The following SPAG16 variants were observed in gnomAD, a reference collection of about 807,000 sequenced individuals.
The protein encoded by SPAG16 is sperm-associated antigen 16 protein.
Under a neutral mutation model 80.4 loss-of-function variants are expected in SPAG16, and 86 were observed. The observed-to-expected ratio is 1.07, with a 90% CI of 0.90 to 1.28. The LOEUF is 1.28. Ranked by LOEUF, SPAG16 falls within the 50% of genes most tolerant of loss-of-function variation. SPAG16 has a pLI of 0.00. For missense variants in SPAG16, 870 were observed against 765.3 expected (o/e 1.14, Z -1.61); for synonymous variants, 294 against 265.9 (o/e 1.11, Z -1.03).
chr2:213,492,523 C>T (rs2125738509), intron 10 of SPAG16, among the ~76,000 whole-genome samples: 1 of 151,946 alleles, frequency 6.6e-6, no homozygotes, highest in Non-Finnish European at 1.5e-5. Flanking sequence ...GCCCTCCAGC[C>T]TAGGCGACAG....
chr2:213,389,316 A>G (rs1163155670), intron 9 of SPAG16, among the ~76,000 whole-genome samples: 1 of 152,172 alleles, frequency 6.6e-6, no homozygotes, highest in Non-Finnish European at 1.5e-5. Flanking sequence ...AACTCTCAGA[A>G]GAAAATATAG....
chr2:213,812,576 T>C (rs1274207621), intron 10 of SPAG16, among the ~76,000 whole-genome samples: 2 of 152,194 alleles, frequency 1.3e-5, no homozygotes, highest in Non-Finnish European at 2.9e-5. Context: ...TGCAGGGCAG[T>C]GCATTAGTTC....
At chr2:213,602,895 T>C (rs1054651977) in intron 10 of SPAG16, among the ~76,000 whole-genome samples, 2 of 152,254 alleles carry the variant, frequency 1.3e-5, no homozygotes, top group African/African-American at 4.8e-5. Context: ...ACAATAATAT[T>C]CTCCTGCACA....
chr2:214,201,872 G>T lies in SPAG16; in HGVS notation c.1720+52606G>T, dbSNP rs375586777. On this transcript the variant is annotated intron_variant, in intron 15 of 15. Transcript: ENST00000331683. ...TATTTATTTTTATTTTTTAGACAGG[G>T]TCTTGCTCTGTTGCTCAGGCCAAAG... is the stretch of plus-strand genomic sequence containing the variant. 4.6e-5 allele frequency among the ~76,000 whole-genome samples: 7 copies of T among 151,086 alleles called. 1 individual carries two copies. The highest frequency in any genetic ancestry group is 1.7e-4 in the African/African-American group (7 of 41,144).
At chr2:213,780,571 C>CTTTTTTTTT (rs367744311) in intron 10 of SPAG16, among the ~76,000 whole-genome samples, 7 of 124,616 alleles carry the variant, frequency 5.6e-5, no homozygotes, top group Non-Finnish European at 9.9e-5. Flanking sequence ...TCTTTTCTTT[C>CTTTTTTTTT]TTTTTTTTTT....
intron 11 of SPAG16, among the ~76,000 whole-genome samples, chr2:213,913,788 G>A (rs2077817762): frequency 6.6e-6 from 1 of 151,972 alleles, no homozygotes; most frequent in African/African-American, 2.4e-5. Flanking sequence ...ATGATTGTGG[G>A]GACTGTTAAG....
intron 15 of SPAG16, among the ~76,000 whole-genome samples, chr2:214,208,683 A>G (rs1278077483): frequency 1.3e-5 from 2 of 152,106 alleles, no homozygotes; most frequent in African/African-American, 4.8e-5. Flanking sequence ...AGTTTTTGCA[A>G]TCAGACCTTG....
intron 15 of SPAG16, among the ~76,000 whole-genome samples, chr2:214,206,391 G>A (rs1226068056): frequency 6.6e-6 from 1 of 152,118 alleles, no homozygotes; most frequent in Non-Finnish European, 1.5e-5. Context: ...GTCTTTCTGT[G>A]TGTAGTTTAT....
chr2:213,740,306 G>A (rs1447092163), intron 10 of SPAG16, among the ~76,000 whole-genome samples: 1 of 152,118 alleles, frequency 6.6e-6, no homozygotes, highest in Non-Finnish European at 1.5e-5. Flanking sequence ...TAAAATCTGA[G>A]GTAGACACTT....
intron 12 of SPAG16, among the ~76,000 whole-genome samples, chr2:213,978,639 C>T (rs1289830947): frequency 6.6e-6 from 1 of 152,130 alleles, no homozygotes; most frequent in Non-Finnish European, 1.5e-5. Flanking sequence ...CATTTACTGT[C>T]TCACATAGTT....
chr2:214,094,146 GC>G (rs2125328467), intron 13 of SPAG16, among the ~76,000 whole-genome samples: 1 of 152,216 alleles, frequency 6.6e-6, no homozygotes, highest in South Asian at 2.1e-4. Flanking sequence ...TGAGTTGGTA[GC>G]TTGAAATTGT....
chr2:214,264,206 A>G (rs909307302), intron 15 of SPAG16, among the ~76,000 whole-genome samples: 1 of 152,174 alleles, frequency 6.6e-6, no homozygotes, highest in East Asian at 1.9e-4. Flanking sequence ...TGGAGAAATC[A>G]GATCAAATCT....
At chr2:214,149,848 G>T (rs1040194119) in intron 15 of SPAG16, among the ~76,000 whole-genome samples, 1 of 151,996 alleles carries the variant, frequency 6.6e-6, no homozygotes, top group Non-Finnish European at 1.5e-5. Context: ...TATCCTTGTT[G>T]ATGAGGAATA....
chr2:213,540,567 TC>T (rs1313793495), intron 10 of SPAG16, among the ~76,000 whole-genome samples: 1 of 152,224 alleles, frequency 6.6e-6, no homozygotes, highest in Admixed American at 6.5e-5. Flanking sequence ...AACAAAAGTT[TC>T]TCAGCCTTTA....
intron 12 of SPAG16, among the ~76,000 whole-genome samples, chr2:213,930,416 G>A (rs549009763): frequency 1.3e-5 from 2 of 152,242 alleles, no homozygotes; most frequent in African/African-American, 4.8e-5. Context: ...TTGGAAAGCT[G>A]TTTGTTTCAA....
At chr2:214,321,369 A>T (rs997054871) in intron 15 of SPAG16, among the ~76,000 whole-genome samples, 1 of 152,184 alleles carries the variant, frequency 6.6e-6, no homozygotes, top group African/African-American at 2.4e-5. Flanking sequence ...GCCACTGAAG[A>T]TATTAGTAGG....
intron 11 of SPAG16, 21 bp from the exon 12 acceptor site, chr2:213,929,939 T>C (rs1454585825): frequency 4.4e-6 from 7 of 1,597,834 alleles, no homozygotes; most frequent in Non-Finnish European, 5.1e-6. Context: ...ACAAGCTGTC[T>C]TTTTATGTTT....
chr2:213,425,034 G>C (rs1575557587), intron 9 of SPAG16, among the ~76,000 whole-genome samples: 2 of 152,190 alleles, frequency 1.3e-5, no homozygotes, highest in East Asian at 3.8e-4. Flanking sequence ...ATGAATGTGT[G>C]GCAATATAGC....
At chr2:213,437,063 C>A (rs1030196668) in intron 9 of SPAG16, among the ~76,000 whole-genome samples, 1 of 152,082 alleles carries the variant, frequency 6.6e-6, no homozygotes, top group African/African-American at 2.4e-5. Context: ...AGGCACCCAC[C>A]ACCGCGCCCG....
Sources: gnomAD v4.1 joint callset for allele counts (sites outside exome capture counted in the v4.1 genomes callset) on GRCh38, gnomAD v4.1.1 for gene constraint, MANE v1.5 for transcripts, NCBI Gene and HGNC (gene_info 2026-07-23, HGNC 2026-07-21) for gene names.